LOC128462377: variants seen among roughly 807,000 people sequenced by gnomAD.
At chr16:89,382,413 C>A in the LOC128462377 span, among the ~76,000 whole-genome samples, 1 of 152,110 alleles carries the variant, frequency 6.6e-6, no homozygotes, top group Non-Finnish European at 1.5e-5. Flanking sequence ...GCCACCTCCG[C>A]CTCCCAGGTT....
At chr16:89,349,911 CATAT>C in the LOC128462377 span, among the ~76,000 whole-genome samples, 7 of 86,000 alleles carry the variant, frequency 8.1e-5, no homozygotes, top group Middle Eastern at 7.5e-3. Flanking sequence ...CACACACACA[CATAT>C]TCAAACAACA....
At chr16:89,383,662 C>A in the LOC128462377 span, among the ~76,000 whole-genome samples, 2 of 151,874 alleles carry the variant, frequency 1.3e-5, no homozygotes, top group African/African-American at 4.8e-5. Context: ...CGAGCCCCTA[C>A]CCTCGGACCA....
chr16:89,417,534 G>T, the LOC128462377 span, among the ~76,000 whole-genome samples: 1 of 152,094 alleles, frequency 6.6e-6, no homozygotes, highest in Non-Finnish European at 1.5e-5. Flanking sequence ...CAAAAAACAT[G>T]CCAGTGACTC....
chr16:89,341,840 CG>C, the LOC128462377 span, among the ~76,000 whole-genome samples: 132 of 151,988 alleles, frequency 8.7e-4, no homozygotes, highest in African/African-American at 2.9e-3. Context: ...CGGCCCACGG[CG>C]GGAGTGCTGC....
the LOC128462377 span, among the ~76,000 whole-genome samples, chr16:89,387,568 G>A: frequency 6.6e-6 from 1 of 151,432 alleles, no homozygotes; most frequent in Non-Finnish European, 1.5e-5. Context: ...AGCTACTCGG[G>A]AGACTGAGGC....
chr16:89,387,502 C>T, the LOC128462377 span, among the ~76,000 whole-genome samples: 690 of 151,364 alleles, frequency 4.6e-3, 6 homozygotes, highest in African/African-American at 0.015. Flanking sequence ...GAAACCCCAT[C>T]TCTACTAAAA....
chr16:89,331,863 A>T, the LOC128462377 span, among the ~76,000 whole-genome samples: 95,209 of 151,972 alleles, frequency 0.63, 30,054 homozygotes, highest in Middle Eastern at 0.72. Context: ...AATGGTGTGG[A>T]CTCGGGTTTG....
the LOC128462377 span, among the ~76,000 whole-genome samples, chr16:89,321,948 G>A: frequency 7.9e-5 from 12 of 152,328 alleles, no homozygotes; most frequent in Admixed American, 2.6e-4. Flanking sequence ...TGCTGCGCGA[G>A]GCTTAAGTCT....
the LOC128462377 span, among the ~76,000 whole-genome samples, chr16:89,332,409 T>C: frequency 6.6e-6 from 1 of 152,168 alleles, no homozygotes; most frequent in East Asian, 1.9e-4. Context: ...AGGACAGAGA[T>C]GCCTTACAGC....
At chr16:89,327,671 T>C in the LOC128462377 span, among the ~76,000 whole-genome samples, 1 of 150,566 alleles carries the variant, frequency 6.6e-6, no homozygotes, top group Non-Finnish European at 1.5e-5. Context: ...ATTCTATTTC[T>C]ACATGCTAGC....
chr16:89,395,432 C>G, the LOC128462377 span, among the ~76,000 whole-genome samples: 1 of 152,202 alleles, frequency 6.6e-6, no homozygotes, highest in Non-Finnish European at 1.5e-5. Context: ...AGAGAGGAGA[C>G]AGCGCTGGGA....
chr16:89,360,076 ACCC>A, the LOC128462377 span, among the ~76,000 whole-genome samples: 2 of 151,390 alleles, frequency 1.3e-5, no homozygotes, highest in East Asian at 3.9e-4. Flanking sequence ...CCTCAAGTAG[ACCC>A]CCGTGTCTGG....
chr16:89,354,994 GCA>G, the LOC128462377 span, among the ~76,000 whole-genome samples: 137 of 152,320 alleles, frequency 9.0e-4, no homozygotes, highest in Non-Finnish European at 1.5e-3. Flanking sequence ...CCCAGGAAAT[GCA>G]CAGATTCACA....
chr16:89,354,439 G>T, the LOC128462377 span, among the ~76,000 whole-genome samples: 1 of 152,178 alleles, frequency 6.6e-6, no homozygotes, highest in Non-Finnish European at 1.5e-5. Context: ...CTATGCCAGC[G>T]CAGTGCAGAG....
At chr16:89,395,485 C>T in the LOC128462377 span, among the ~76,000 whole-genome samples, 1 of 152,208 alleles carries the variant, frequency 6.6e-6, no homozygotes, top group Non-Finnish European at 1.5e-5. Flanking sequence ...TGTGAGCATG[C>T]GCCCAGGAAC....
At chr16:89,352,563 A>G in the LOC128462377 span, among the ~76,000 whole-genome samples, 6,356 of 152,214 alleles carry the variant, frequency 0.042, 462 homozygotes, top group African/African-American at 0.14. Context: ...GGCCCCTGTC[A>G]GGGCCACTTC....
chr16:89,354,165 T>C, the LOC128462377 span, among the ~76,000 whole-genome samples: 2 of 150,214 alleles, frequency 1.3e-5, no homozygotes, highest in Admixed American at 6.7e-5. Context: ...GAGGAAAGTA[T>C]ACCTTTACCC....
chr16:89,392,130 C>G, the LOC128462377 span, among the ~76,000 whole-genome samples: 1 of 152,158 alleles, frequency 6.6e-6, no homozygotes, highest in Non-Finnish European at 1.5e-5. Context: ...GGAAACCGGA[C>G]ACAGCAGTTG....
the LOC128462377 span, among the ~76,000 whole-genome samples, chr16:89,379,467 C>T: frequency 1.3e-5 from 2 of 152,230 alleles, no homozygotes; most frequent in African/African-American, 4.8e-5. Flanking sequence ...GCTCATGTAA[C>T]TCTGCTTTCC....
Sources: gnomAD v4.1 joint callset for allele counts (sites outside exome capture counted in the v4.1 genomes callset) on GRCh38, gnomAD v4.1.1 for gene constraint, MANE v1.5 for transcripts.